The following PCM1 variants were observed in gnomAD, a reference collection of about 807,000 sequenced individuals.
PCM1 encodes the protein pericentriolar material 1 protein.
PCM1 carries 157 observed loss-of-function variants against 241.9 expected under a neutral mutation model. The observed-to-expected ratio is 0.65, with a 90% confidence interval of 0.57 to 0.74. The LOEUF (loss-of-function observed/expected upper bound fraction) is 0.74. Among genes scored for constraint, PCM1 ranks in the 30% least tolerant of loss-of-function variants. The pLI, the probability that PCM1 is intolerant of heterozygous loss-of-function variation, is 0.00. For synonymous variants in PCM1, 1,085 were observed against 784.9 expected, an observed-to-expected ratio of 1.38 and a Z score of -6.39; for missense variants, 3,478 against 2,360.1, an observed-to-expected ratio of 1.47 and a Z score of -9.81.
intron 28 of PCM1, 125 bp from the exon 29 acceptor site, chr8:17,993,358 A>C: frequency 3.4e-6 from 2 of 583,152 alleles, no homozygotes; most frequent in Non-Finnish European, 5.4e-6. Context: ...AACTACAAAC[A>C]TGTTTCTTTG....
intron 36 of PCM1, among the ~76,000 whole-genome samples, chr8:18,017,973 C>T (rs2093382297): frequency 6.6e-6 from 1 of 152,178 alleles, no homozygotes; most frequent in African/African-American, 2.4e-5. Context: ...GGGGAGGAAA[C>T]TAAGATCAGC....
intron 32 of PCM1, among the ~76,000 whole-genome samples, chr8:18,010,921 C>A (rs192848780): frequency 6.6e-6 from 1 of 152,022 alleles, no homozygotes; most frequent in African/African-American, 2.4e-5. Context: ...GGTATTGAGC[C>A]GAGATCATGC....
At chr8:18,000,000 A>G (rs895067928) in intron 29 of PCM1, among the ~76,000 whole-genome samples, 21 of 152,210 alleles carry the variant, frequency 1.4e-4, no homozygotes, top group African/African-American at 5.1e-4. Flanking sequence ...AATAAAAGAC[A>G]TATAAGTAAC....
At chr8:17,939,572 G>A (rs1326025923) in intron 5 of PCM1, 119 bp from the exon 6 acceptor site, 10 of 496,406 alleles carry the variant, frequency 2.0e-5, no homozygotes, top group Non-Finnish European at 3.1e-5. Flanking sequence ...AATAATCCAA[G>A]TGTCTTTGGT....
Position 17,979,102 on chromosome 8 carries a change from C to T in PCM1, c.3944-1489C>T, listed in dbSNP as rs558721837. Among the ~76,000 whole-genome samples the T allele has an allele frequency of 6.7e-5, 9 of 133,374 alleles. No homozygotes were observed. The South Asian group carries it at 2.2e-3, about 32-fold the overall frequency. 87.5% of individuals were successfully genotyped at this position (133,374 alleles called of 152,430 possible). ...CTGTGTCACTGTACTTGAGCCTGGG[C>T]AACAGAATGAGACTCAGTCTCAAAA... On this transcript the variant is annotated intron_variant, in intron 23 of 38. Coordinates refer to ENST00000325083, the MANE Select transcript of PCM1 (RefSeq NM_006197.4).
At chr8:17,969,884 T>G (rs2076263275) in intron 22 of PCM1, 136 bp downstream of exon 22, 2 of 665,278 alleles carry the variant, frequency 3.0e-6, no homozygotes, top group Non-Finnish European at 5.1e-6. Flanking sequence ...TATGAAACTT[T>G]GACGTATCAG....
intron 36 of PCM1, among the ~76,000 whole-genome samples, chr8:18,018,885 C>CATATATATATATATATAT (rs1369217042): frequency 7.4e-5 from 4 of 54,342 alleles, no homozygotes; most frequent in Non-Finnish European, 1.9e-4. Context: ...TATATACACA[C>CATATATATATATATATAT]ACATATACAT....
At chr8:17,947,877 A>G (rs1411939305) in intron 7 of PCM1, among the ~76,000 whole-genome samples, 6 of 152,194 alleles carry the variant, frequency 3.9e-5, no homozygotes, top group Admixed American at 3.9e-4. Flanking sequence ...TATAGTGTAT[A>G]CATTCTTCGT....
At chr8:17,939,461 G>T (rs12548412) in intron 5 of PCM1, among the ~76,000 whole-genome samples, 104,529 of 151,878 alleles carry the variant, frequency 0.69, 36,650 homozygotes, top group Non-Finnish European at 0.77. Flanking sequence ...ATTTTGAAAT[G>T]TATTTTTGAA....
intron 32 of PCM1, among the ~76,000 whole-genome samples, chr8:18,010,920 C>G (rs1273421391): frequency 2.0e-5 from 3 of 152,132 alleles, no homozygotes; most frequent in Non-Finnish European, 4.4e-5. Context: ...TGGTATTGAG[C>G]CGAGATCATG....
intron 29 of PCM1, among the ~76,000 whole-genome samples, chr8:17,997,794 G>T (rs1211133320): frequency 1.3e-5 from 2 of 151,670 alleles, no homozygotes; most frequent in Admixed American, 6.6e-5. Flanking sequence ...GGGAGGCTGG[G>T]GCGGGTGATC....
intron 24 of PCM1, chr8:17,982,598 G>C (rs560839036): frequency 1.3e-5 from 2 of 152,188 alleles, no homozygotes; most frequent in Admixed American, 1.3e-4. Flanking sequence ...GGGTTCGAGC[G>C]ATTCTCCTGC....
intron 1 of PCM1, among the ~76,000 whole-genome samples, chr8:17,923,692 T>C (rs1244698762): frequency 6.6e-6 from 1 of 151,964 alleles, no homozygotes; most frequent in African/African-American, 2.4e-5. Flanking sequence ...TCTGAAGAGT[T>C]GCAGTTGGGC....
At chr8:18,012,910 C>T (rs1274215037) in intron 34 of PCM1, among the ~76,000 whole-genome samples, 1 of 151,918 alleles carries the variant, frequency 6.6e-6, no homozygotes, top group African/African-American at 2.4e-5. Context: ...CTGATTGTTA[C>T]TTTTTAATAG....
chr8:17,993,212 G>A (rs1239502595), intron 28 of PCM1, among the ~76,000 whole-genome samples: 1 of 151,832 alleles, frequency 6.6e-6, no homozygotes, highest in African/African-American at 2.4e-5. Context: ...TAGAATTTTT[G>A]TGGTTTCAGG....
intron 2 of PCM1, among the ~76,000 whole-genome samples, chr8:17,935,388 C>T (rs1377793123): frequency 1.3e-5 from 2 of 152,216 alleles, no homozygotes; most frequent in East Asian, 1.9e-4. Context: ...CCTTCTCTGT[C>T]ATTCCAACTA....
At chr8:17,936,435 G>A (rs1039566465) in intron 3 of PCM1, among the ~76,000 whole-genome samples, 1 of 152,162 alleles carries the variant, frequency 6.6e-6, no homozygotes, top group African/African-American at 2.4e-5. Flanking sequence ...AGACCTTTTT[G>A]TTAATGAATT....
intron 2 of PCM1, 36 bp downstream of exon 2, chr8:17,924,816 T>TTAGA (rs1417694149): frequency 1.3e-5 from 2 of 152,162 alleles, no homozygotes; most frequent in African/African-American, 4.8e-5. Context: ...ATCCTTTGTA[T>TTAGA]TAGAGTTGGA....
intron 10 of PCM1, chr8:17,955,918 T>G (rs2129460676): frequency 2.2e-6 from 1 of 456,926 alleles, no homozygotes; most frequent in African/African-American, 2.0e-5. Context: ...AGTTAAAATA[T>G]TTCTATATTC....
Sources: gnomAD v4.1 joint callset for allele counts (sites outside exome capture counted in the v4.1 genomes callset) on GRCh38, gnomAD v4.1.1 for gene constraint, MANE v1.5 for transcripts, NCBI Gene and HGNC (gene_info 2026-07-23, HGNC 2026-07-21) for gene names.